The following TAFA5 variants were observed in gnomAD, a reference collection of about 807,000 sequenced individuals.
TAFA5 encodes the protein TAFA chemokine like family member 5, also known as chemokine-like protein TAFA-5.
A neutral mutation model predicts 15.3 loss-of-function variants in TAFA5; 6 were observed. The ratio of observed to expected loss-of-function variants is 0.39; its 90% CI spans 0.21 to 0.77. The LOEUF is 0.77. TAFA5 is among the 30% of genes least tolerant of loss of function. The pLI is 0.41. For missense variants in TAFA5, 161 were observed against 193.1 expected, an observed-to-expected ratio of 0.83 and a Z score of 0.98; for synonymous variants, 103 against 80.7, an observed-to-expected ratio of 1.28 and a Z score of -1.48.
intron 3 of TAFA5, among the ~76,000 whole-genome samples, chr22:48,709,190 C>T (rs939640655): frequency 5.9e-5 from 9 of 152,108 alleles, no homozygotes; most frequent in East Asian, 3.9e-4. Flanking sequence ...GGCCAGGCAA[C>T]GGCGCCACCC....
intron 3 of TAFA5, among the ~76,000 whole-genome samples, chr22:48,711,888 T>A (rs957843000): frequency 6.6e-6 from 1 of 152,208 alleles, no homozygotes; most frequent in Non-Finnish European, 1.5e-5. Flanking sequence ...CGTTTACTTC[T>A]CTGTGTGGCG....
intron 1 of TAFA5, among the ~76,000 whole-genome samples, chr22:48,534,189 A>T (rs1171492655): frequency 1.4e-5 from 2 of 138,256 alleles, no homozygotes; most frequent in Non-Finnish European, 3.2e-5. Context: ...TGGGTCAAGC[A>T]GGTGGGGAGG....
intron 1 of TAFA5, among the ~76,000 whole-genome samples, chr22:48,628,210 T>C (rs997050626): frequency 9.2e-5 from 14 of 152,198 alleles, no homozygotes; most frequent in African/African-American, 3.1e-4. Flanking sequence ...CAGGCTACCA[T>C]GTTCCACTTC....
At chr22:48,499,441 G>A (rs573269121) in intron 1 of TAFA5, among the ~76,000 whole-genome samples, 2 of 152,268 alleles carry the variant, frequency 1.3e-5, no homozygotes, top group Non-Finnish European at 2.9e-5. Context: ...TGCTCTGCTG[G>A]TGGGACCCTT....
chr22:48,670,439 A>G (rs1188046187), intron 2 of TAFA5, among the ~76,000 whole-genome samples: 1 of 152,210 alleles, frequency 6.6e-6, no homozygotes, highest in Non-Finnish European at 1.5e-5. Context: ...CTGGGTAAAC[A>G]CACCCATGCC....
At chr22:48,532,276 C>T (rs1042014532) in intron 1 of TAFA5, among the ~76,000 whole-genome samples, 7 of 152,216 alleles carry the variant, frequency 4.6e-5, no homozygotes, top group Admixed American at 1.3e-4. Context: ...TTACGGAGGC[C>T]GCACGTCTAA....
At position 48,641,852 on chromosome 22, in the gene TAFA5, A is replaced by G. The variant is rs542302278; in HGVS notation, c.113-4745A>G. Among the ~76,000 whole-genome samples, 28 of 152,212 alleles carry G rather than the reference A, an allele frequency of 1.8e-4. 1 individual carries two copies. The South Asian group carries it at 5.0e-3, about 27-fold the overall frequency. ...TGGCACTGGAGAAGGAATTGTGATT[A>G]CTTGCTTTATTTTTGAATGTTTTTC... On this transcript the variant is annotated intron_variant, in intron 1 of 3. Transcript: ENST00000402357.
Position 48,703,643 on chromosome 22 carries a change from C to T in TAFA5, c.263-4074C>T, listed in dbSNP as rs530283202. ...CGCTGTGGCCTGCGCCGTATCCACC[C>T]TCAGCGTCCTTCTCCCGGGATTTCC... On this transcript the variant is annotated intron_variant, in intron 2 of 3. Transcript: ENST00000402357. Among the ~76,000 whole-genome samples the T allele has an allele frequency of 7.2e-5, 11 of 152,390 alleles. No homozygotes were observed. In the East Asian group the frequency reaches 2.1e-3, roughly 29 times the overall value.
intron 1 of TAFA5, among the ~76,000 whole-genome samples, chr22:48,547,908 G>C (rs918766814): frequency 6.6e-6 from 1 of 152,184 alleles, no homozygotes; most frequent in Non-Finnish European, 1.5e-5. Context: ...ATGGCTAACC[G>C]GTGATAGCGC....
intron 1 of TAFA5, among the ~76,000 whole-genome samples, chr22:48,515,072 G>T (rs560042672): frequency 7.7e-4 from 117 of 152,268 alleles, no homozygotes; most frequent in Non-Finnish European, 1.4e-3. Flanking sequence ...GAATGCAGGA[G>T]CCCAGGCTTG....
At chr22:48,664,753 GC>G (rs1287813957) in intron 2 of TAFA5, among the ~76,000 whole-genome samples, 1 of 152,100 alleles carries the variant, frequency 6.6e-6, no homozygotes, top group African/African-American at 2.4e-5. Flanking sequence ...TGTGAGAGCC[GC>G]CCGTGCTGTC....
chr22:48,495,191 CGAA>C (rs1164918698), intron 1 of TAFA5, among the ~76,000 whole-genome samples: 1 of 152,186 alleles, frequency 6.6e-6, no homozygotes, highest in East Asian at 1.9e-4. Context: ...CAGCACTGCT[CGAA>C]GGAGGCAGGA....
At chr22:48,660,946 G>GA (rs869085104) in intron 2 of TAFA5, among the ~76,000 whole-genome samples, 1 of 10,170 alleles carries the variant, frequency 9.8e-5, no homozygotes, top group Non-Finnish European at 1.9e-4. Flanking sequence ...CTCAGAGTTA[G>GA]GGTCGTGTCT....
At chr22:48,686,466 C>T (rs1569078783) in intron 2 of TAFA5, among the ~76,000 whole-genome samples, 1 of 152,212 alleles carries the variant, frequency 6.6e-6, no homozygotes, top group Non-Finnish European at 1.5e-5. Context: ...CTCATGAGGG[C>T]TCCACTCTTA....
intron 1 of TAFA5, among the ~76,000 whole-genome samples, chr22:48,628,538 AG>A (rs934274244): frequency 5.9e-5 from 9 of 152,308 alleles, no homozygotes; most frequent in African/African-American, 2.2e-4. Flanking sequence ...TCTGCTAAGG[AG>A]GGCATAGACG....
At chr22:48,676,467 A>T (rs1420805419) in intron 2 of TAFA5, among the ~76,000 whole-genome samples, 1 of 152,178 alleles carries the variant, frequency 6.6e-6, no homozygotes, top group East Asian at 1.9e-4. Context: ...TCCCGCTCAG[A>T]GGCGCAGGGG....
At chr22:48,586,590 G>A (rs915402923) in intron 1 of TAFA5, among the ~76,000 whole-genome samples, 3 of 152,254 alleles carry the variant, frequency 2.0e-5, no homozygotes, top group Non-Finnish European at 2.9e-5. Context: ...TGAGGCCACA[G>A]GCACTGGCCA....
intron 3 of TAFA5, among the ~76,000 whole-genome samples, chr22:48,727,607 G>A (rs753392310): frequency 1.3e-5 from 2 of 152,180 alleles, no homozygotes; most frequent in Admixed American, 6.5e-5. Context: ...GTCACTATCA[G>A]TGAAGACAAT....
At chr22:48,581,632 GGTT>G (rs1924046398) in intron 1 of TAFA5, among the ~76,000 whole-genome samples, 2 of 152,196 alleles carry the variant, frequency 1.3e-5, no homozygotes, top group Non-Finnish European at 2.9e-5. Context: ...GAGAAGGCCG[GGTT>G]CGGGGGCAAC....
Sources: allele counts gnomAD v4.1 joint callset (sites outside exome capture counted in the v4.1 genomes callset), GRCh38; gene constraint gnomAD v4.1.1; transcripts MANE v1.5; gene names NCBI Gene and HGNC (gene_info 2026-07-23, HGNC 2026-07-21).